PPFIBP1: variants seen among roughly 807,000 people sequenced by gnomAD.
PPFIBP1 encodes liprin-beta-1.
PPFIBP1 carries 112 observed loss-of-function variants against 137.8 expected under a neutral mutation model. The observed-to-expected ratio is 0.81, with a 90% confidence interval of 0.70 to 0.95. The LOEUF is 0.95. PPFIBP1 is among the 40% of genes least tolerant of loss of function. The pLI is 0.00. For missense variants in PPFIBP1, 1,083 were observed against 1,196.6 expected (o/e 0.91, Z 1.40); for synonymous variants, 378 against 417.3 (o/e 0.91, Z 1.15).
intron 1 of PPFIBP1, among the ~76,000 whole-genome samples, chr12:27,559,300 C>T (rs2048968936): frequency 1.3e-5 from 2 of 152,004 alleles, no homozygotes; most frequent in South Asian, 4.1e-4. Context: ...TGCTGAGTAG[C>T]TGGGACTACA....
At chr12:27,668,037 T>G in intron 13 of PPFIBP1, among the ~76,000 whole-genome samples, 1 of 152,140 alleles carries the variant, frequency 6.6e-6, no homozygotes, top group Non-Finnish European at 1.5e-5. Context: ...CTGACAACAT[T>G]ACATTGTTAG....
At chr12:27,612,645 G>A (rs1260615339) in intron 2 of PPFIBP1, among the ~76,000 whole-genome samples, 4 of 151,978 alleles carry the variant, frequency 2.6e-5, no homozygotes, top group Non-Finnish European at 5.9e-5. Context: ...CACAGCGCCC[G>A]GCTCCACCTG....
chr12:27,592,501 C>A, intron 2 of PPFIBP1: 1 of 1,198,784 alleles, frequency 8.3e-7, no homozygotes, highest in East Asian at 2.4e-5. Flanking sequence ...AGGTTGAATT[C>A]TCTTGCCTCT....
Position 27,676,449 on chromosome 12 carries a change from A to C in PPFIBP1, c.1432A>C (p.Arg478=). Residue 478 remains arginine, a synonymous_variant, in exon 18 of 30, where the codon AGG becomes CGG. Transcript: ENST00000228425. ...TCAGGACAGAGCTCCGGCAGAAAGC[A>C]GGCCATTTGGGACCCTTCCTCCCAG... is the stretch of plus-strand genomic sequence containing the variant. The part of the protein sequence containing the change: ...TSEDRAPAES[R]PFGTLPPRPP... 6.5e-7 allele frequency: 1 copy of C among 1,548,306 alleles called. No individual in the cohort carries two copies. The highest frequency in any genetic ancestry group is 8.7e-7 in the Non-Finnish European group (1 of 1,148,006).
At chr12:27,677,222 C>A in intron 19 of PPFIBP1, 126 bp downstream of exon 19, 2 of 1,204,148 alleles carry the variant, frequency 1.7e-6, no homozygotes, top group Non-Finnish European at 2.4e-6. Flanking sequence ...TTCTCTATTC[C>A]GGAGTGTTCT....
chr12:27,648,016 T>C, intron 6 of PPFIBP1, 174 bp downstream of exon 6: 2 of 714,640 alleles, frequency 2.8e-6, no homozygotes, highest in Non-Finnish European at 3.9e-6. Flanking sequence ...GCACACAATA[T>C]AAAGTGTTTA....
chr12:27,677,003 C>T lies in PPFIBP1; in HGVS notation c.1583-61C>T, dbSNP rs780215303. ...GAGTCTGATCTGCATTTCATTTTGT[C>T]ATCTCTGTGTTCTCTCCATTGGGCT... On this transcript the variant is annotated intron_variant, in intron 18 of 29. Transcript: ENST00000228425. 1.9e-6 allele frequency: 3 copies of T among 1,611,678 alleles called. No individual in the cohort carries two copies. In the South Asian group the frequency reaches 3.3e-5, roughly 18 times the overall value.
intron 18 of PPFIBP1, chr12:27,676,854 T>A (rs2060544846): frequency 1.3e-6 from 1 of 751,560 alleles, no homozygotes; most frequent in South Asian, 1.6e-5. Flanking sequence ...CCCTTTGACT[T>A]CATCATGGAG....
intron 25 of PPFIBP1, 102 bp downstream of exon 25, chr12:27,687,609 GC>G (rs2061279571): frequency 2.2e-6 from 3 of 1,351,464 alleles, no homozygotes; most frequent in Non-Finnish European, 3.0e-6. Context: ...TGCAGGAAAA[GC>G]CTTAAAATCC....
At chr12:27,594,167 CT>C in intron 2 of PPFIBP1, 1 of 381,866 alleles carries the variant, frequency 2.6e-6, no homozygotes, top group Admixed American at 5.2e-5. Flanking sequence ...TATCCATCCC[CT>C]TTTCTATTTT....
At chr12:27,619,593 C>T (rs2056132088) in intron 2 of PPFIBP1, among the ~76,000 whole-genome samples, 1 of 152,178 alleles carries the variant, frequency 6.6e-6, no homozygotes, top group Non-Finnish European at 1.5e-5. Context: ...TGAGAGTGGG[C>T]AGTTAGTTGC....
rs114758462 is a variant in PPFIBP1 at position 27,580,827 on chromosome 12, A to G, written c.-36+2588A>G. On this transcript the variant is annotated intron_variant, in intron 2 of 29. Coordinates refer to ENST00000228425, the MANE Select transcript of PPFIBP1 (RefSeq NM_003622.4). ...TGTCTGAACTGGTTTACTTGTTCAA[A>G]AAGAGACCAGTGGAGCTGAGATTTG... 2.7e-3 allele frequency among the ~76,000 whole-genome samples: 404 copies of G among 152,296 alleles called. 1 individual carries two copies. The highest frequency in any genetic ancestry group is 9.0e-3 in the African/African-American group (372 of 41,548).
intron 2 of PPFIBP1, among the ~76,000 whole-genome samples, chr12:27,583,558 G>A (rs1480242479): frequency 1.3e-5 from 2 of 152,138 alleles, no homozygotes; most frequent in Non-Finnish European, 2.9e-5. Context: ...TCCTGAGGTC[G>A]CACAGAGGCC....
chr12:27,655,527 G>C lies in PPFIBP1; in HGVS notation c.696+713G>C, dbSNP rs181566436. Among the ~76,000 whole-genome samples the C allele has an allele frequency of 6.9e-4, 105 of 152,312 alleles. 2 individuals carry two copies. Among genetic ancestry groups the C allele is most frequent in the Admixed American group, 6.1e-3 (93 of 15,298 alleles). On this transcript the variant is annotated intron_variant, in intron 8 of 29. Coordinates refer to ENST00000228425, the MANE Select transcript of PPFIBP1 (RefSeq NM_003622.4). Reference sequence around the variant, plus strand: ...GTAAAATAATTGTAAACATTCGCTTGTGAAAGAATTCTGTTTCGTATCCAC... The same window carrying C: ...GTAAAATAATTGTAAACATTCGCTTCTGAAAGAATTCTGTTTCGTATCCAC...
At chr12:27,642,573 T>TG (rs2058188788) in intron 4 of PPFIBP1, among the ~76,000 whole-genome samples, 2 of 152,104 alleles carry the variant, frequency 1.3e-5, no homozygotes, top group South Asian at 2.1e-4. Flanking sequence ...CAGAATATGA[T>TG]GAAACACTAA....
intron 2 of PPFIBP1, among the ~76,000 whole-genome samples, chr12:27,583,747 C>T (rs954764280): frequency 6.6e-6 from 1 of 152,186 alleles, no homozygotes; most frequent in Non-Finnish European, 1.5e-5. Flanking sequence ...CTTTTCTCCT[C>T]TTGTTAGCCA....
intron 1 of PPFIBP1, among the ~76,000 whole-genome samples, chr12:27,532,753 G>A (rs776813202): frequency 2.6e-5 from 4 of 151,990 alleles, no homozygotes; most frequent in African/African-American, 4.8e-5. Context: ...AGTGAGATTC[G>A]ATTTAGAGAA....
intron 2 of PPFIBP1, among the ~76,000 whole-genome samples, chr12:27,610,720 T>C (rs2055008877): frequency 6.6e-6 from 1 of 152,210 alleles, no homozygotes; most frequent in Admixed American, 6.5e-5. Flanking sequence ...GTGTATATCA[T>C]ATATCTGTGT....
intron 19 of PPFIBP1, among the ~76,000 whole-genome samples, chr12:27,678,943 C>T (rs538519886): frequency 6.0e-5 from 9 of 150,930 alleles, no homozygotes; most frequent in South Asian, 4.2e-4. Context: ...CCAGATGTCC[C>T]GACACACTGA....
Sources: allele counts gnomAD v4.1 joint callset (sites outside exome capture counted in the v4.1 genomes callset), GRCh38; gene constraint gnomAD v4.1.1; transcripts MANE v1.5; gene names NCBI Gene and HGNC (gene_info 2026-07-23, HGNC 2026-07-21).